Variants in PRKN observed in about 807,000 individuals in gnomAD.
PRKN encodes the protein E3 ubiquitin-protein ligase parkin.
In PRKN, 56 loss-of-function variants were observed where a neutral mutation model predicts 59.5. That is an observed-to-expected ratio of 0.94 (90% CI 0.76 to 1.18). The LOEUF (loss-of-function observed/expected upper bound fraction) is 1.18. PRKN is among the 50% of genes most tolerant of loss of function. The probability of loss-of-function intolerance (pLI) is 0.00; values close to 1 mark genes in which losing one functional copy is unlikely to be tolerated. For missense variants in PRKN, 657 were observed against 596.4 expected, an observed-to-expected ratio of 1.10 and a Z score of -1.06; for synonymous variants, 250 against 222.1, an observed-to-expected ratio of 1.13 and a Z score of -1.12.
chr6:162,419,870 C>T (rs946043714), intron 2 of PRKN, among the ~76,000 whole-genome samples: 1 of 151,806 alleles, frequency 6.6e-6, no homozygotes, highest in African/African-American at 2.4e-5. Flanking sequence ...ATATTTTGCA[C>T]AACATGAAAT....
chr6:161,735,492 T>G (rs1787926101), intron 7 of PRKN, among the ~76,000 whole-genome samples: 1 of 152,188 alleles, frequency 6.6e-6, no homozygotes, highest in Non-Finnish European at 1.5e-5. Flanking sequence ...TCAGTAAGGT[T>G]TTCAATGAAG....
intron 2 of PRKN, among the ~76,000 whole-genome samples, chr6:162,296,038 C>T (rs574305364): frequency 2.6e-4 from 40 of 152,048 alleles, no homozygotes; most frequent in Non-Finnish European, 5.3e-4. Flanking sequence ...AAAATAATTA[C>T]AGCAAGTTTG....
chr6:161,806,495 CTT>C (rs1323811893), intron 6 of PRKN, among the ~76,000 whole-genome samples: 2 of 152,160 alleles, frequency 1.3e-5, no homozygotes, highest in African/African-American at 2.4e-5. Flanking sequence ...CCCAGTCTCT[CTT>C]GTTTCTTCAA....
At chr6:162,393,148 G>A (rs535192098) in intron 2 of PRKN, among the ~76,000 whole-genome samples, 73 of 98,036 alleles carry the variant, frequency 7.4e-4, no homozygotes, top group African/African-American at 3.0e-3. Flanking sequence ...GGTGAGGATA[G>A]GAGATTCTTT....
chr6:161,755,258 A>G (rs1447256919), intron 7 of PRKN, among the ~76,000 whole-genome samples: 2 of 152,052 alleles, frequency 1.3e-5, no homozygotes, highest in African/African-American at 4.8e-5. Flanking sequence ...ACTCTCTGCA[A>G]TGATTCTCAC....
chr6:161,621,566 A>G (rs1473920940), intron 7 of PRKN, among the ~76,000 whole-genome samples: 1 of 152,144 alleles, frequency 6.6e-6, no homozygotes, highest in Non-Finnish European at 1.5e-5. Context: ...GCCCGTCCAC[A>G]TTAAGGGCTG....
At chr6:161,923,192 T>A (rs1394192563) in intron 6 of PRKN, among the ~76,000 whole-genome samples, 1 of 152,212 alleles carries the variant, frequency 6.6e-6, no homozygotes, top group African/African-American at 2.4e-5. Context: ...AAGTAGATTC[T>A]GCAGTTGGGG....
intron 1 of PRKN, among the ~76,000 whole-genome samples, chr6:162,659,951 A>G (rs1406471559): frequency 6.6e-6 from 1 of 152,172 alleles, no homozygotes; most frequent in African/African-American, 2.4e-5. Flanking sequence ...TCATTATGAA[A>G]CATCAAGAAC....
intron 3 of PRKN, among the ~76,000 whole-genome samples, chr6:162,238,353 T>C (rs1778833639): frequency 6.6e-6 from 1 of 152,184 alleles, no homozygotes; most frequent in Non-Finnish European, 1.5e-5. Flanking sequence ...ACCATCTAGA[T>C]TTGTGTAAGT....
rs1326147160 is a variant in PRKN at position 161,957,423 on chromosome 6, TGTTTG to T, written c.734+15874_734+15878del. ...TTGTTCTTGTTGTTTTTTTTTTGTTTGTTTGTTTGTTTGTTTTTTTGAGCCAGAGT... is the reference window on the plus strand; with the variant it reads ...TTGTTCTTGTTGTTTTTTTTTTGTTTTTTGTTTGTTTTTTTGAGCCAGAGT... On this transcript the variant is annotated intron_variant, in intron 6 of 11. Transcript: ENST00000366898. Among the ~76,000 whole-genome samples the T allele has an allele frequency of 2.5e-3, 338 of 136,106 alleles. 3 individuals carry two copies. Among genetic ancestry groups the T allele is most frequent in the African/African-American group, 5.8e-3 (182 of 31,222 alleles). 89.3% of individuals were successfully genotyped at this position (136,106 alleles called of 152,430 possible). A position where few individuals can be genotyped will look rare whatever the true frequency, so the allele number is the denominator to read the frequency against.
intron 6 of PRKN, among the ~76,000 whole-genome samples, chr6:161,898,169 G>A (rs1339265049): frequency 1.3e-5 from 2 of 151,676 alleles, no homozygotes; most frequent in Admixed American, 1.3e-4. Flanking sequence ...CCTTGTATTT[G>A]CCAATTTTCC....
At chr6:162,652,835 A>AT (rs1159299159) in intron 1 of PRKN, among the ~76,000 whole-genome samples, 1 of 151,914 alleles carries the variant, frequency 6.6e-6, no homozygotes, top group African/African-American at 2.4e-5. Flanking sequence ...TTGAGAACTA[A>AT]CCCCCCGATA....
intron 4 of PRKN, among the ~76,000 whole-genome samples, chr6:162,144,512 G>A (rs1027177125): frequency 6.6e-6 from 1 of 152,154 alleles, no homozygotes; most frequent in Non-Finnish European, 1.5e-5. Context: ...AGCTGGTGTA[G>A]GTTTATGGTG....
intron 9 of PRKN, among the ~76,000 whole-genome samples, chr6:161,512,089 TAAG>T (rs1330770405): frequency 1.3e-5 from 2 of 152,192 alleles, no homozygotes; most frequent in African/African-American, 4.8e-5. Flanking sequence ...TTGATGGGAA[TAAG>T]AACACAAGTG....
chr6:162,399,891 G>A (rs887262714), intron 2 of PRKN, among the ~76,000 whole-genome samples: 10 of 152,154 alleles, frequency 6.6e-5, no homozygotes, highest in Non-Finnish European at 1.3e-4. Flanking sequence ...TAAACGGCCT[G>A]TATGATTTGG....
intron 1 of PRKN, among the ~76,000 whole-genome samples, chr6:162,604,888 T>C (rs981329643): frequency 2.0e-5 from 3 of 152,190 alleles, no homozygotes; most frequent in African/African-American, 4.8e-5. Context: ...ACTCATGTTA[T>C]GCTCAGTTCA....
At chr6:161,612,795 T>C (rs1241054025) in intron 7 of PRKN, among the ~76,000 whole-genome samples, 2 of 150,302 alleles carry the variant, frequency 1.3e-5, no homozygotes, top group African/African-American at 2.5e-5. Context: ...AAAGACAGGA[T>C]GAGAGCACAT....
intron 1 of PRKN, among the ~76,000 whole-genome samples, chr6:162,629,368 C>T (rs1783016175): frequency 6.6e-6 from 1 of 152,046 alleles, no homozygotes; most frequent in Non-Finnish European, 1.5e-5. Context: ...AATCACTACA[C>T]AGGTTTTACA....
intron 2 of PRKN, among the ~76,000 whole-genome samples, chr6:162,356,399 G>C (rs1271745777): frequency 6.6e-6 from 1 of 151,748 alleles, no homozygotes; most frequent in Non-Finnish European, 1.5e-5. Context: ...TGACTACAGT[G>C]TTCCATGAAT....
Sources: gnomAD v4.1 joint callset for allele counts (sites outside exome capture counted in the v4.1 genomes callset) on GRCh38, gnomAD v4.1.1 for gene constraint, MANE v1.5 for transcripts, NCBI Gene and HGNC (gene_info 2026-07-23, HGNC 2026-07-21) for gene names.